The following DLGAP1 variants were observed in gnomAD, a reference collection of about 807,000 sequenced individuals.
DLGAP1 encodes the protein disks large-associated protein 1.
In DLGAP1, 11 loss-of-function variants were observed where a neutral mutation model predicts 90.8. The observed-to-expected ratio is 0.12, with a 90% confidence interval of 0.08 to 0.20. DLGAP1 has a LOEUF of 0.20. DLGAP1 is among the 10% of genes least tolerant of loss of function. DLGAP1 has a pLI of 1.00. For missense variants in DLGAP1, 1,050 were observed against 1,333.8 expected, an observed-to-expected ratio of 0.79 and a Z score of 3.31; for synonymous variants, 558 against 540.7, an observed-to-expected ratio of 1.03 and a Z score of -0.44.
At chr18:4,264,742 A>G (rs2079070718) in intron 1 of DLGAP1, 1 of 152,180 alleles carries the variant, frequency 6.6e-6, no homozygotes, top group Non-Finnish European at 1.5e-5. Flanking sequence ...GGGGACCTTG[A>G]GCTGAATTAA....
At chr18:4,327,354 T>A (rs1291717954) in intron 1 of DLGAP1, among the ~76,000 whole-genome samples, 1 of 152,022 alleles carries the variant, frequency 6.6e-6, no homozygotes, top group Non-Finnish European at 1.5e-5. Flanking sequence ...TATGTGCCAA[T>A]TAAAATAAAA....
At chr18:4,315,104 C>T (rs2080494831) in intron 1 of DLGAP1, among the ~76,000 whole-genome samples, 1 of 152,134 alleles carries the variant, frequency 6.6e-6, no homozygotes, top group Admixed American at 6.6e-5. Context: ...AGTCAAACTG[C>T]TAGGGTGGCC....
At chr18:3,990,615 C>T (rs1418334348) in intron 3 of DLGAP1, among the ~76,000 whole-genome samples, 3 of 132,258 alleles carry the variant, frequency 2.3e-5, no homozygotes, top group Non-Finnish European at 3.1e-5. Context: ...CACATGTACC[C>T]TAAAACTTAA....
chr18:3,923,314 ATGTCT>A (rs1241114927), intron 3 of DLGAP1, among the ~76,000 whole-genome samples: 3 of 152,106 alleles, frequency 2.0e-5, no homozygotes, highest in Non-Finnish European at 4.4e-5. Context: ...TTAAAAAATG[ATGTCT>A]TGTTTTAATT....
At chr18:3,723,162 C>T (rs929491702) in intron 7 of DLGAP1, among the ~76,000 whole-genome samples, 4 of 152,184 alleles carry the variant, frequency 2.6e-5, no homozygotes, top group Non-Finnish European at 5.9e-5. Context: ...AACTATTCAA[C>T]TCTGCTTTTA....
intron 4 of DLGAP1, among the ~76,000 whole-genome samples, chr18:3,827,804 C>T (rs1366073905): frequency 6.6e-6 from 1 of 152,150 alleles, no homozygotes; most frequent in African/African-American, 2.4e-5. Flanking sequence ...GTTTGTGACC[C>T]ATTAAATTGA....
chr18:3,778,032 T>C lies in DLGAP1; in HGVS notation c.1173-35520A>G, dbSNP rs146138910. 5.8e-3 allele frequency among the ~76,000 whole-genome samples: 877 copies of C among 152,346 alleles called. 16 individuals are homozygous for C. The highest frequency in any genetic ancestry group is 0.02 in the African/African-American group (840 of 41,578). The stretch of plus-strand genomic sequence containing the variant: ...TGCTTTTTACCAGCCCTTTACTTTG[T>C]GTTCTTATCAATGAGACTTACTCTA... On this transcript the variant is annotated intron_variant, in intron 5 of 12. Coordinates refer to ENST00000315677, the MANE Select transcript of DLGAP1 (RefSeq NM_004746.4).
intron 8 of DLGAP1, among the ~76,000 whole-genome samples, chr18:3,570,316 T>C (rs1247990510): frequency 1.3e-5 from 2 of 151,800 alleles, no homozygotes; most frequent in Non-Finnish European, 2.9e-5. Context: ...TTTCACTCTG[T>C]TGCCCAGGTT....
intron 1 of DLGAP1, among the ~76,000 whole-genome samples, chr18:4,343,677 A>T (rs2081248796): frequency 6.6e-6 from 1 of 152,136 alleles, no homozygotes; most frequent in South Asian, 2.1e-4. Context: ...GAGGGATAGC[A>T]TTAGGAGAAA....
At chr18:4,187,956 C>T (rs995311670) in intron 1 of DLGAP1, among the ~76,000 whole-genome samples, 1 of 152,096 alleles carries the variant, frequency 6.6e-6, no homozygotes, top group Non-Finnish European at 1.5e-5. Flanking sequence ...AGAGATCGTG[C>T]CACTGCACTC....
intron 7 of DLGAP1, among the ~76,000 whole-genome samples, chr18:3,630,687 G>C (rs2058492426): frequency 6.6e-6 from 1 of 152,136 alleles, no homozygotes; most frequent in Non-Finnish European, 1.5e-5. Flanking sequence ...ATGAGCACGG[G>C]ACTATTTCTG....
intron 10 of DLGAP1, among the ~76,000 whole-genome samples, chr18:3,533,318 G>T (rs372868370): frequency 1.3e-5 from 2 of 152,292 alleles, no homozygotes; most frequent in East Asian, 1.9e-4. Context: ...TATTCATCGT[G>T]TATTTCACTT....
chr18:3,605,222 G>T (rs1247341337), intron 7 of DLGAP1, among the ~76,000 whole-genome samples: 1 of 152,132 alleles, frequency 6.6e-6, no homozygotes, highest in African/African-American at 2.4e-5. Context: ...TCGATTCCTC[G>T]TTAGGGATAT....
At chr18:3,524,646 G>C (rs1014146188) in intron 10 of DLGAP1, among the ~76,000 whole-genome samples, 1 of 152,144 alleles carries the variant, frequency 6.6e-6, no homozygotes, top group South Asian at 2.1e-4. Context: ...ACTTTGAGTG[G>C]CTGAGGCAGG....
At chr18:3,847,749 A>C (rs940571360) in intron 4 of DLGAP1, among the ~76,000 whole-genome samples, 1 of 152,216 alleles carries the variant, frequency 6.6e-6, no homozygotes, top group Non-Finnish European at 1.5e-5. Context: ...TGTTTTAAAC[A>C]TGAGAGATGG....
At chr18:3,764,029 T>C (rs1378875004) in intron 5 of DLGAP1, among the ~76,000 whole-genome samples, 1 of 152,214 alleles carries the variant, frequency 6.6e-6, no homozygotes. Flanking sequence ...TAGCAGCTAA[T>C]GTGATGAGAA....
chr18:4,445,653 T>C (rs1182321519), intron 1 of DLGAP1, among the ~76,000 whole-genome samples: 1 of 151,994 alleles, frequency 6.6e-6, no homozygotes, highest in African/African-American at 2.4e-5. Flanking sequence ...GTCACTCTAC[T>C]AGCTACTGGG....
intron 3 of DLGAP1, among the ~76,000 whole-genome samples, chr18:3,898,598 A>C (rs184303825): frequency 1.3e-3 from 196 of 152,298 alleles, no homozygotes; most frequent in African/African-American, 4.2e-3. Context: ...TGGCTGCATA[A>C]ATTGCATACA....
At chr18:3,673,124 C>A (rs764576695) in intron 7 of DLGAP1, among the ~76,000 whole-genome samples, 1 of 152,168 alleles carries the variant, frequency 6.6e-6, no homozygotes, top group Middle Eastern at 3.2e-3. Context: ...TCTTTGGCTT[C>A]GCTCTTTTAC....
Sources: allele counts gnomAD v4.1 joint callset (sites outside exome capture counted in the v4.1 genomes callset), GRCh38; gene constraint gnomAD v4.1.1; transcripts MANE v1.5; gene names NCBI Gene and HGNC (gene_info 2026-07-23, HGNC 2026-07-21).